ZHX2: variants seen among roughly 807,000 people sequenced by gnomAD.
ZHX2 encodes the protein zinc fingers and homeoboxes 2, also known as zinc fingers and homeoboxes protein 2.
Under a neutral mutation model 21.9 loss-of-function variants are expected in ZHX2, and 6 were observed. The observed-to-expected ratio is 0.27, with a 90% confidence interval of 0.15 to 0.54. The LOEUF is 0.54. Ranked by LOEUF, ZHX2 falls within the 20% of genes least tolerant of loss-of-function variation. The pLI is 0.95. For missense variants in ZHX2, 908 were observed against 1,090.7 expected (o/e 0.83, Z 2.36); for synonymous variants, 434 against 437.1 (o/e 0.99, Z 0.09).
chr8:122,883,470 C>T (rs1819763303), intron 2 of ZHX2, among the ~76,000 whole-genome samples: 2 of 152,204 alleles, frequency 1.3e-5, no homozygotes, highest in African/African-American at 4.8e-5. Flanking sequence ...TAGCCAGTTG[C>T]TCTGACACAT....
At chr8:122,917,530 C>A (rs1034054468) in intron 2 of ZHX2, among the ~76,000 whole-genome samples, 4 of 152,148 alleles carry the variant, frequency 2.6e-5, no homozygotes, top group African/African-American at 9.7e-5. Flanking sequence ...TTTATTGAGA[C>A]AACCCTGTCC....
intron 1 of ZHX2, among the ~76,000 whole-genome samples, chr8:122,821,486 A>G (rs555354691): frequency 1.3e-5 from 2 of 152,156 alleles, no homozygotes; most frequent in Admixed American, 1.3e-4. Flanking sequence ...GCCTTGATAA[A>G]TCTCATATCT....
At chr8:122,869,367 G>A (rs569765553) in intron 2 of ZHX2, among the ~76,000 whole-genome samples, 55 of 148,388 alleles carry the variant, frequency 3.7e-4, no homozygotes, top group South Asian at 8.5e-4. Flanking sequence ...CGCTTTTGTC[G>A]CCCAGGCTGG....
At chr8:122,864,048 C>T (rs1648963236) in intron 2 of ZHX2, among the ~76,000 whole-genome samples, 1 of 151,790 alleles carries the variant, frequency 6.6e-6, no homozygotes, top group Non-Finnish European at 1.5e-5. Context: ...AACAGAAGAG[C>T]TATGCAAGAG....
chr8:122,971,598 G>T (rs1432254598), intron 3 of ZHX2, among the ~76,000 whole-genome samples: 4 of 67,138 alleles, frequency 6.0e-5, no homozygotes, highest in Non-Finnish European at 1.1e-4. Flanking sequence ...TCTCCTTGCT[G>T]TTGGCCCCTG....
intron 2 of ZHX2, among the ~76,000 whole-genome samples, chr8:122,949,892 T>C (rs1357607873): frequency 6.6e-6 from 1 of 152,216 alleles, no homozygotes; most frequent in African/African-American, 2.4e-5. Context: ...CCAGACCCTG[T>C]CTCAGAAACA....
At chr8:122,934,058 CTACCATTTATTGCACGTTTGCAGG>C (rs1158849365) in intron 2 of ZHX2, among the ~76,000 whole-genome samples, 2 of 152,154 alleles carry the variant, frequency 1.3e-5, no homozygotes, top group Non-Finnish European at 2.9e-5. Context: ...ATAAACATTG[CTACCATTTATTGCACGTTTGCAGG>C]TACCTGGCAT....
At chr8:122,903,778 G>A (rs1820285639) in intron 2 of ZHX2, among the ~76,000 whole-genome samples, 1 of 152,270 alleles carries the variant, frequency 6.6e-6, no homozygotes, top group South Asian at 2.1e-4. Context: ...ACACGGGGCA[G>A]GTAGATAGAT....
At chr8:122,821,804 A>G (rs970279997) in intron 1 of ZHX2, among the ~76,000 whole-genome samples, 5 of 152,240 alleles carry the variant, frequency 3.3e-5, no homozygotes, top group African/African-American at 1.2e-4. Flanking sequence ...TCCTGGTTTC[A>G]AGTGATTCTC....
At chr8:122,911,139 T>C (rs1332029717) in intron 2 of ZHX2, among the ~76,000 whole-genome samples, 2 of 152,140 alleles carry the variant, frequency 1.3e-5, no homozygotes, top group South Asian at 2.1e-4. Context: ...AACATACTTC[T>C]CACTGTGGGT....
chr8:122,885,234 C>T (rs1171286031), intron 2 of ZHX2, among the ~76,000 whole-genome samples: 7 of 152,194 alleles, frequency 4.6e-5, no homozygotes, highest in Non-Finnish European at 1.0e-4. Context: ...CACTGGATTG[C>T]AGTCAGGAGA....
At chr8:122,934,838 A>G (rs1181961890) in intron 2 of ZHX2, among the ~76,000 whole-genome samples, 2 of 152,050 alleles carry the variant, frequency 1.3e-5, no homozygotes, top group Non-Finnish European at 1.5e-5. Flanking sequence ...GCAGGCATGC[A>G]CCACCATGCC....
intron 1 of ZHX2, among the ~76,000 whole-genome samples, chr8:122,794,670 G>A (rs1817586024): frequency 6.6e-6 from 1 of 152,070 alleles, no homozygotes; most frequent in South Asian, 2.1e-4. Context: ...TGACATGGTG[G>A]CTCTTTGAGA....
intron 1 of ZHX2, among the ~76,000 whole-genome samples, chr8:122,807,997 CTTG>C (rs1563737228): frequency 6.6e-6 from 1 of 152,188 alleles, no homozygotes; most frequent in East Asian, 1.9e-4. Flanking sequence ...GTCACCCAGC[CTTG>C]TTATTGGGAG....
intron 2 of ZHX2, among the ~76,000 whole-genome samples, chr8:122,937,523 TC>T (rs1390976482): frequency 6.6e-6 from 1 of 151,938 alleles, no homozygotes; most frequent in Non-Finnish European, 1.5e-5. Flanking sequence ...GCTGCCAAGT[TC>T]TCCTGGTGGG....
intron 2 of ZHX2, among the ~76,000 whole-genome samples, chr8:122,869,833 C>A (rs1335116467): frequency 6.6e-6 from 1 of 152,208 alleles, no homozygotes; most frequent in Non-Finnish European, 1.5e-5. Context: ...GTGCCTTCCT[C>A]ATCTATAAAA....
At chr8:122,799,704 T>C (rs1817679657) in intron 1 of ZHX2, among the ~76,000 whole-genome samples, 1 of 152,158 alleles carries the variant, frequency 6.6e-6, no homozygotes, top group Non-Finnish European at 1.5e-5. Flanking sequence ...GAGGAGCTCC[T>C]GGGCTAGGTG....
rs75867318 is a variant in ZHX2, at chr8:122,824,678, G to A, written c.-282-38799G>A. ...GGTCCCCTGGGTCCCCCATCTCTTG[G>A]TCTGATTGTCCTCCTGTATTAGTTT... On this transcript the variant is annotated intron_variant, in intron 1 of 3. Transcript: ENST00000314393. Among the ~76,000 whole-genome samples the A allele has an allele frequency of 8.1e-3, 1,234 of 152,292 alleles. 17 individuals carry two copies. The highest frequency in any genetic ancestry group is 0.028 in the African/African-American group (1,183 of 41,558).
chr8:122,868,467 G>A (rs561344203), intron 2 of ZHX2, among the ~76,000 whole-genome samples: 26 of 152,084 alleles, frequency 1.7e-4, no homozygotes, highest in African/African-American at 6.3e-4. Context: ...GGGCAGCATA[G>A]GGAGACCCTG....
Sources: allele counts gnomAD v4.1 joint callset (sites outside exome capture counted in the v4.1 genomes callset), GRCh38; gene constraint gnomAD v4.1.1; transcripts MANE v1.5; gene names NCBI Gene and HGNC (gene_info 2026-07-23, HGNC 2026-07-21).